The following KCNQ1OT1 variants were observed in gnomAD, a reference collection of about 807,000 sequenced individuals.
KCNQ1OT1 encodes the protein KCNQ1 antisense RNA 2 (non-protein coding).
chr11:2,620,960 C>A lies in KCNQ1OT1; in HGVS notation n.79035G>T. On this transcript the variant is annotated non_coding_transcript_exon_variant, in exon 1 of 1. Transcript: ENST00000597346. The surrounding 1 kb of genome is among the most constrained non-coding windows in gnomAD (Gnocchi z 4.5). ...GTTGTTTTGTTTTGTTTTTTTTTGT[C>A]TGTTTTTTGCTTTTTTGTTTGTTTG... is the stretch of plus-strand genomic sequence containing the variant. 1 of 304,326 alleles carries A rather than the reference C, an allele frequency of 3.3e-6. No individual in the cohort carries two copies. Among genetic ancestry groups the A allele is most frequent in the South Asian group, 2.0e-4 (1 of 4,932 alleles). 18.9% of individuals were successfully genotyped at this position (304,326 alleles called of 1,614,324 possible).
chr11:2,609,309 A>G (rs1354249782), exon 1 of KCNQ1OT1: 1 of 398,208 alleles, frequency 2.5e-6, no homozygotes, highest in Admixed American at 4.4e-5. Context: ...GTGTTGTTTA[A>G]TTTCCACATG....
At chr11:2,667,585 G>T in exon 1 of KCNQ1OT1, 1 of 398,348 alleles carries the variant, frequency 2.5e-6, no homozygotes, top group Non-Finnish European at 4.4e-6. Flanking sequence ...GGGGGTCGGG[G>T]CGGGGTTGGG....
rs1259808051 is a variant in KCNQ1OT1 at position 2,623,472 on chromosome 11, C to T, written n.76523G>A. On this transcript the variant is annotated non_coding_transcript_exon_variant, in exon 1 of 1. Transcript: ENST00000597346. The surrounding 1 kb of genome is among the most constrained non-coding windows in gnomAD (Gnocchi z 5.2). ...TGGCAACCACTGAACTTTTTACTGC[C>T]TCCATAGCATTGCCTTTTCTAAAAT... The T allele has an allele frequency of 2.5e-6, 1 of 398,470 alleles. No individual in the cohort carries two copies. Among genetic ancestry groups the T allele is most frequent in the Non-Finnish European group, 4.4e-6 (1 of 226,076 alleles). The allele number at this position is 398,470 out of a possible 1,614,324, so 24.7% of individuals were successfully genotyped here. A position where few individuals can be genotyped will look rare whatever the true frequency, so the allele number is the denominator to read the frequency against.
exon 1 of KCNQ1OT1, chr11:2,636,862 A>C (rs898514472): frequency 1.3e-5 from 2 of 152,032 alleles, no homozygotes; most frequent in African/African-American, 4.8e-5. Flanking sequence ...TAAATTTCAG[A>C]GCCTGTTATT....
chr11:2,699,897 A>G, exon 1 of KCNQ1OT1: 1 of 398,152 alleles, frequency 2.5e-6, no homozygotes, highest in Admixed American at 4.4e-5. Context: ...GACCACGCTG[A>G]GAGGCACCCC....
exon 1 of KCNQ1OT1, chr11:2,655,660 G>A (rs1849832323): frequency 2.5e-6 from 1 of 398,294 alleles, no homozygotes; most frequent in Admixed American, 4.4e-5. Context: ...AGTGTGTCTG[G>A]AAAGAGCTGA....
chr11:2,687,761 C>T lies in KCNQ1OT1; in HGVS notation n.12234G>A. On this transcript the variant is annotated non_coding_transcript_exon_variant, in exon 1 of 1. Coordinates refer to ENST00000597346, the Ensembl canonical transcript of KCNQ1OT1. This position sits in a 1 kb window ranked among gnomAD's most constrained non-coding sequence, Gnocchi z 5.0. ...ATCATGGGGAGACTGAGAAGAGGAG[C>T]CCCTTAGCAGGCCTAACCACACCCC... The T allele has an allele frequency of 7.5e-6, 3 of 398,706 alleles. No homozygotes were observed. Among genetic ancestry groups the T allele is most frequent in the Middle Eastern group, 1.3e-3 (2 of 1,592 alleles). The allele number at this position is 398,706 out of a possible 1,614,324, so 24.7% of individuals were successfully genotyped here. A position where few individuals can be genotyped will look rare whatever the true frequency, so the allele number is the denominator to read the frequency against.
At chr11:2,633,400 T>C (rs981569506) in exon 1 of KCNQ1OT1, 1 of 398,444 alleles carries the variant, frequency 2.5e-6, no homozygotes, top group Non-Finnish European at 4.4e-6. Flanking sequence ...TCTATTTTTG[T>C]TTTTGTTGCC....
Position 2,657,369 on chromosome 11 carries a change from T to C in KCNQ1OT1, n.42626A>G. On this transcript the variant is annotated non_coding_transcript_exon_variant, in exon 1 of 1. Coordinates refer to ENST00000597346, the Ensembl canonical transcript of KCNQ1OT1. The surrounding 1 kb of genome is among the most constrained non-coding windows in gnomAD (Gnocchi z 4.8). The stretch of plus-strand genomic sequence containing the variant: ...GAAGGCATATTTCTCCATTTATATC[T>C]TCTTCATTGTCTCTTACTAAAGTTT... 1 of 398,620 alleles carries C rather than the reference T, an allele frequency of 2.5e-6. No individual in the cohort carries two copies. Among genetic ancestry groups the C allele is most frequent in the Non-Finnish European group, 4.4e-6 (1 of 226,064 alleles). 24.7% of individuals were successfully genotyped at this position (398,620 alleles called of 1,614,324 possible).
In KCNQ1OT1 at chr11:2,687,878, G is replaced by A. The variant is rs1356651513; in HGVS notation, n.12117C>T. On this transcript the variant is annotated non_coding_transcript_exon_variant, in exon 1 of 1. Coordinates refer to ENST00000597346, the Ensembl canonical transcript of KCNQ1OT1. This position sits in a 1 kb window ranked among gnomAD's most constrained non-coding sequence, Gnocchi z 5.0. ...GAGCCTCAAAGGCTGGACTTGGGGT[G>A]TCCCGCGGAAATCCTGGTGGGATGG... The A allele has an allele frequency of 7.5e-6, 3 of 398,584 alleles. No homozygotes were observed. The Admixed American group carries it at 1.3e-4, about 18-fold the overall frequency. The allele number at this position is 398,584 out of a possible 1,614,324, so 24.7% of individuals were successfully genotyped here.
At chr11:2,630,172 TGA>T (rs1366191213) in exon 1 of KCNQ1OT1, 2 of 398,250 alleles carry the variant, frequency 5.0e-6, no homozygotes, top group African/African-American at 2.1e-5. Context: ...CTTATCAAAA[TGA>T]TTGTATGATT....
In KCNQ1OT1 at chr11:2,654,169, G is replaced by A; in HGVS notation, n.45826C>T. ...TCTATGAGCCGGGCATGGGCAGCTG[G>A]CACAGGCTGTGGGGCTGCGGCTCAG... On this transcript the variant is annotated non_coding_transcript_exon_variant, in exon 1 of 1. Coordinates refer to ENST00000597346, the Ensembl canonical transcript of KCNQ1OT1. This position sits in a 1 kb window ranked among gnomAD's most constrained non-coding sequence, Gnocchi z 6.4. The A allele has an allele frequency of 2.5e-6, 1 of 398,810 alleles. No individual in the cohort carries two copies. The highest frequency in any genetic ancestry group is 4.4e-6 in the Non-Finnish European group (1 of 226,216). 24.7% of individuals were successfully genotyped at this position (398,810 alleles called of 1,614,324 possible).
rs2133809968 is a variant in KCNQ1OT1 at position 2,626,005 on chromosome 11, G to T, written n.73990C>A. Reference sequence around the variant, plus strand: ...ATTCTGTAGGTTGTCTTATTGCTTAGTTGATATTATTTTAATGCACACAAT... The same window carrying T: ...ATTCTGTAGGTTGTCTTATTGCTTATTTGATATTATTTTAATGCACACAAT... On this transcript the variant is annotated non_coding_transcript_exon_variant, in exon 1 of 1. Transcript: ENST00000597346. The surrounding 1 kb of genome is among the most constrained non-coding windows in gnomAD (Gnocchi z 4.0). 1 of 398,620 alleles carries T rather than the reference G, an allele frequency of 2.5e-6. No homozygotes were observed. The highest frequency in any genetic ancestry group is 6.3e-4 in the Middle Eastern group (1 of 1,588). 24.7% of individuals were successfully genotyped at this position (398,620 alleles called of 1,614,324 possible). A position where few individuals can be genotyped will look rare whatever the true frequency, so the allele number is the denominator to read the frequency against.
exon 1 of KCNQ1OT1, chr11:2,625,581 T>TCC (rs1849249221): frequency 4.9e-6 from 1 of 204,378 alleles, no homozygotes; most frequent in Middle Eastern, 1.5e-3. Flanking sequence ...CTTTGCCCTT[T>TCC]TTTTTTTTTT....
chr11:2,674,618 CA>C lies in KCNQ1OT1; in HGVS notation n.25376del, dbSNP rs1850258710. ...TAAATAGGCTCTGGCTTAAAACAGTCACAGCGAAACATGCCTTTGAATTGGA... is the reference window on the plus strand; with the variant it reads ...TAAATAGGCTCTGGCTTAAAACAGTCCAGCGAAACATGCCTTTGAATTGGA... On this transcript the variant is annotated non_coding_transcript_exon_variant, in exon 1 of 1. Coordinates refer to ENST00000597346, the Ensembl canonical transcript of KCNQ1OT1. This position sits in a 1 kb window ranked among gnomAD's most constrained non-coding sequence, Gnocchi z 5.9. 1 of 398,480 alleles carries C rather than the reference CA, an allele frequency of 2.5e-6. No homozygotes were observed. Among genetic ancestry groups the C allele is most frequent in the East Asian group, 3.6e-5 (1 of 28,074 alleles). The allele number at this position is 398,480 out of a possible 1,614,324, so 24.7% of individuals were successfully genotyped here.
chr11:2,637,115 T>C (rs1849484355), exon 1 of KCNQ1OT1: 1 of 152,298 alleles, frequency 6.6e-6, no homozygotes. Context: ...ATTTTGTTGA[T>C]CTTTTCAAAA....
exon 1 of KCNQ1OT1, chr11:2,614,040 T>C (rs1849021413): frequency 2.5e-6 from 1 of 398,652 alleles, no homozygotes; most frequent in African/African-American, 2.1e-5. Context: ...AGTGTGACTG[T>C]GCTATAACCT....
chr11:2,657,915 A>T lies in KCNQ1OT1; in HGVS notation n.42080T>A. ...TGCTTTCCTCATTGTGGAACATGAC[A>T]TCAACATGGTTTATCACTGGTAATA... On this transcript the variant is annotated non_coding_transcript_exon_variant, in exon 1 of 1. Coordinates refer to ENST00000597346, the Ensembl canonical transcript of KCNQ1OT1. This position sits in a 1 kb window ranked among gnomAD's most constrained non-coding sequence, Gnocchi z 4.8. 1 of 398,636 alleles carries T rather than the reference A, an allele frequency of 2.5e-6. No homozygotes were observed. The highest frequency in any genetic ancestry group is 4.4e-6 in the Non-Finnish European group (1 of 226,060). The allele number at this position is 398,636 out of a possible 1,614,324, so 24.7% of individuals were successfully genotyped here.
exon 1 of KCNQ1OT1, chr11:2,614,978 T>C (rs1237152073): frequency 2.5e-6 from 1 of 398,354 alleles, no homozygotes; most frequent in East Asian, 3.6e-5. Context: ...TGTAGATCAC[T>C]GGGTAATATC....
Sources: allele counts gnomAD v4.1 joint callset, GRCh38; gene constraint gnomAD v4.1.1; non-coding constraint Gnocchi (gnomAD v3.1); transcripts MANE v1.5; gene names NCBI Gene and HGNC (gene_info 2026-07-23, HGNC 2026-07-21).